OTOGL: variants seen among roughly 807,000 people sequenced by gnomAD.
OTOGL encodes otogelin like.
A neutral mutation model predicts 318.5 loss-of-function variants in OTOGL; 285 were observed. The ratio of observed to expected loss-of-function variants is 0.89; its 90% CI spans 0.81 to 0.99. The LOEUF (loss-of-function observed/expected upper bound fraction) is 0.99. Ranked by LOEUF, OTOGL falls within the 50% of genes least tolerant of loss-of-function variation. OTOGL has a pLI of 0.00. For synonymous variants in OTOGL, 987 were observed against 936.5 expected (o/e 1.05, Z -0.99); for missense variants, 2,899 against 2,845.6 (o/e 1.02, Z -0.43).
rs907924256 is a variant in OTOGL at position 80,265,104 on chromosome 12, A to G, written c.2118A>G (p.Ala706=). 19 of 1,613,786 alleles carry G rather than the reference A, an allele frequency of 1.2e-5. No individual in the cohort carries two copies. The highest frequency in any genetic ancestry group is 1.7e-5 in the Admixed American group (1 of 59,918). ...GLYYQLCRHD[A]CKCGSSCLCN... is the part of the protein sequence containing the mutation. ...ACTATCAGCTATGCCGCCACGATGC[A>G]TGCAAGTGTGGAAGCTCCTGCCTGT... Residue 706 remains alanine, a synonymous_variant, in exon 20 of 59, where the codon GCA becomes GCG. Coordinates refer to ENST00000547103, the MANE Select transcript of OTOGL (RefSeq NM_001378609.3).
intron 1 of OTOGL, among the ~76,000 whole-genome samples, chr12:80,166,991 G>A (rs904135369): frequency 7.9e-5 from 12 of 152,234 alleles, no homozygotes; most frequent in East Asian, 3.9e-4. Flanking sequence ...AATGAATTTC[G>A]GGGAGGAATA....
In OTOGL at chr12:80,264,888, T is replaced by G. The variant is rs546449895; in HGVS notation, c.2015-113T>G. 8.2e-5 allele frequency: 90 copies of G among 1,095,104 alleles called. No individual in the cohort carries two copies. In the African/African-American group the frequency reaches 1.2e-3, roughly 15 times the overall value. 67.8% of individuals were successfully genotyped at this position (1,095,104 alleles called of 1,614,324 possible). A position where few individuals can be genotyped will look rare whatever the true frequency, so the allele number is the denominator to read the frequency against. ...CTGTATAAGCTGAAATTGTTCACTC[T>G]TGTATTAAAAGTAATATGCACTACA... On this transcript the variant is annotated intron_variant, in intron 19 of 58. Coordinates refer to ENST00000547103, the MANE Select transcript of OTOGL (RefSeq NM_001378609.3).
At chr12:80,375,009 G>A (rs1008216593) in intron 57 of OTOGL, among the ~76,000 whole-genome samples, 1 of 152,080 alleles carries the variant, frequency 6.6e-6, no homozygotes, top group Non-Finnish European at 1.5e-5. Context: ...CAGTATCTGG[G>A]CCCAGGATCT....
chr12:80,158,607 T>A lies in OTOGL; in HGVS notation c.-19-50806T>A, dbSNP rs191291030. On this transcript the variant is annotated intron_variant, in intron 1 of 58. Transcript: ENST00000547103. ...TATGTATAAGCTTTTGTAAAATGGG[T>A]AGAGTTCTTGATTTGATTCTCAGCT... Among the ~76,000 whole-genome samples the A allele has an allele frequency of 3.3e-5, 5 of 152,154 alleles. No individual in the cohort carries two copies. The East Asian group carries it at 9.7e-4, about 29-fold the overall frequency.
rs370917556 is a variant in OTOGL, at chr12:80,118,662, G to A, written c.-20+19057G>A. ...ACAGCATTTGCTTTATTTGGGTGGA[G>A]TTTTTTTCCTACTAATAACAGAGTT... On this transcript the variant is annotated intron_variant, in intron 1 of 58. Transcript: ENST00000547103. 1.1e-4 allele frequency among the ~76,000 whole-genome samples: 16 copies of A among 152,210 alleles called. 1 individual carries two copies. Among genetic ancestry groups the A allele is most frequent in the African/African-American group, 3.1e-4 (13 of 41,532 alleles).
chr12:80,209,652 A>G, intron 2 of OTOGL, 142 bp downstream of exon 2: 1 of 473,784 alleles, frequency 2.1e-6, no homozygotes, highest in South Asian at 6.1e-5. Flanking sequence ...ACCTTTTAAA[A>G]AATTCTTAAT....
At chr12:80,154,151 A>C in intron 1 of OTOGL, among the ~76,000 whole-genome samples, 1 of 152,152 alleles carries the variant, frequency 6.6e-6, no homozygotes, top group South Asian at 2.1e-4. Context: ...TCTACTAAAA[A>C]TACAAAAATT....
intron 35 of OTOGL, among the ~76,000 whole-genome samples, chr12:80,324,649 T>C (rs958590706): frequency 1.3e-5 from 2 of 152,162 alleles, no homozygotes; most frequent in Admixed American, 6.5e-5. Context: ...AGGGCAGACT[T>C]GATCGGTGAT....
Position 80,310,669 on chromosome 12 carries a change from A to G in OTOGL, c.3392A>G (p.Tyr1131Cys). The part of the protein sequence containing the change: ...PCEAHQNKFP[Y>C]AKKECSILYS... ...GAGGCACATCAAAACAAATTTCCTT[A>G]TGCCAAGAAAGAATGCTCCATTTTG... is the stretch of plus-strand genomic sequence containing the variant. The change falls in exon 30 of 59, where the codon TAT (tyrosine) becomes TGT (cysteine). Residue 1131 changes from tyrosine to cysteine, a missense_variant. Physicochemically the swap from Tyr to Cys is radical, Grantham distance 194. This residue lies in a region of OTOGL where 2,607 missense variants were observed against 2,524.9 expected (regional missense o/e 1.03). Coordinates refer to ENST00000547103, the MANE Select transcript of OTOGL (RefSeq NM_001378609.3). 6.3e-7 allele frequency: 1 copy of G among 1,597,138 alleles called. No individual in the cohort carries two copies. The highest frequency in any genetic ancestry group is 1.3e-5 in the African/African-American group (1 of 75,014).
At chr12:80,100,374 A>G (rs71463852) in intron 1 of OTOGL, among the ~76,000 whole-genome samples, 5,595 of 152,232 alleles carry the variant, frequency 0.037, 118 homozygotes, top group South Asian at 0.089. Flanking sequence ...AGTGATGGAT[A>G]CCCCAACTAC....
chr12:80,328,352 C>CAACAAT (rs1487104753), intron 35 of OTOGL, among the ~76,000 whole-genome samples: 32 of 151,574 alleles, frequency 2.1e-4, no homozygotes, highest in Middle Eastern at 3.4e-3. Flanking sequence ...ACAACAACAA[C>CAACAAT]ACCTTAATAA....
intron 35 of OTOGL, among the ~76,000 whole-genome samples, chr12:80,325,555 CTGT>C (rs1204497190): frequency 3.9e-5 from 6 of 152,192 alleles, no homozygotes; most frequent in Admixed American, 6.5e-5. Flanking sequence ...CTGCTACACC[CTGT>C]TGTTTGTCAA....
chr12:80,218,389 T>A (rs930236544), intron 5 of OTOGL, among the ~76,000 whole-genome samples: 1 of 152,222 alleles, frequency 6.6e-6, no homozygotes, highest in Non-Finnish European at 1.5e-5. Context: ...GATCAGTGGA[T>A]CTTAAGGTGG....
At position 80,251,784 on chromosome 12, in the gene OTOGL, G is replaced by A. The variant is rs1881576969; in HGVS notation, c.1144G>A (p.Asp382Asn). The A allele has an allele frequency of 6.3e-7, 1 of 1,580,288 alleles. No homozygotes were observed. The highest frequency in any genetic ancestry group is 8.6e-7 in the Non-Finnish European group (1 of 1,161,476). Residue 382 changes from aspartate to asparagine, a missense_variant, in exon 12 of 59, where the codon GAC becomes AAC. This residue lies in a region of OTOGL where 2,607 missense variants were observed against 2,524.9 expected (regional missense o/e 1.03). Coordinates refer to ENST00000547103, the MANE Select transcript of OTOGL (RefSeq NM_001378609.3). ...CTACCCTATTCAAGACTGGAGAGATGACTTTCCAGCATGCAGTATGTTTTT... is the reference window on the plus strand; with the variant it reads ...CTACCCTATTCAAGACTGGAGAGATAACTTTCCAGCATGCAGTATGTTTTT... ...AGYPIQDWRD[D>N]FPACTDKCDD...
chr12:80,112,705 CTTTCTT>C lies in OTOGL; in HGVS notation c.-20+13104_-20+13109del, dbSNP rs1335005796. Among the ~76,000 whole-genome samples the C allele has an allele frequency of 7.8e-5, 10 of 128,650 alleles. No individual in the cohort carries two copies. The East Asian group carries it at 2.0e-3, about 25-fold the overall frequency. The allele number at this position is 128,650 out of a possible 152,430, so 84.4% of individuals were successfully genotyped here. On this transcript the variant is annotated intron_variant, in intron 1 of 58. Transcript: ENST00000547103. ...ATTAGGGATATTTGCCTGAAATTTT[CTTTCTT>C]TTTTTTTTTTTTGTTGTGTCTCTGC...
Position 80,305,558 on chromosome 12 carries a change from G to T in OTOGL, c.3214-18G>T. On this transcript the variant is annotated intron_variant, in intron 28 of 58. Coordinates refer to ENST00000547103, the MANE Select transcript of OTOGL (RefSeq NM_001378609.3). ...AAGTGAAAACAGAATATTTCCTGGT[G>T]ATTTTCTCTTACTTTAGAACAAGCT... 1 of 1,504,136 alleles carries T rather than the reference G, an allele frequency of 6.6e-7. No individual in the cohort carries two copies. The highest frequency in any genetic ancestry group is 1.4e-5 in the South Asian group (1 of 73,122). The allele number at this position is 1,504,136 out of a possible 1,614,324, so 93.2% of individuals were successfully genotyped here. A position where few individuals can be genotyped will look rare whatever the true frequency, so the allele number is the denominator to read the frequency against.
At chr12:80,308,979 G>A (rs962200868) in intron 29 of OTOGL, among the ~76,000 whole-genome samples, 85 of 77,288 alleles carry the variant, frequency 1.1e-3, no homozygotes, top group African/African-American at 2.8e-3. Context: ...GAGGGAGACC[G>A]TGGGGAGAGG....
At chr12:80,121,403 A>C (rs910422113) in intron 1 of OTOGL, among the ~76,000 whole-genome samples, 3 of 152,278 alleles carry the variant, frequency 2.0e-5, no homozygotes, top group Non-Finnish European at 4.4e-5. Flanking sequence ...GAAAAAACAC[A>C]AGAACTTTTG....
intron 28 of OTOGL, among the ~76,000 whole-genome samples, chr12:80,304,476 A>T (rs910637340): frequency 6.6e-6 from 1 of 152,184 alleles, no homozygotes; most frequent in Non-Finnish European, 1.5e-5. Flanking sequence ...TGTCAAAGAA[A>T]AATTGGAATA....
Sources: allele counts gnomAD v4.1 joint callset (sites outside exome capture counted in the v4.1 genomes callset), GRCh38; gene constraint gnomAD v4.1.1; regional missense constraint gnomAD v4.1.1; transcripts MANE v1.5; gene names NCBI Gene and HGNC (gene_info 2026-07-23, HGNC 2026-07-21).